The following ATE1 variants were observed in gnomAD, a reference collection of about 807,000 sequenced individuals.
ATE1 encodes arginyl-tRNA--protein transferase 1.
ATE1 carries 36 observed loss-of-function variants against 70.5 expected under a neutral mutation model. The observed-to-expected ratio is 0.51, with a 90% CI of 0.39 to 0.67. The LOEUF (loss-of-function observed/expected upper bound fraction) is 0.67. ATE1 is among the 30% of genes least tolerant of loss of function. The pLI, the probability that ATE1 is intolerant of heterozygous loss-of-function variation, is 0.00. For missense variants in ATE1, 593 were observed against 629.5 expected, an observed-to-expected ratio of 0.94 and a Z score of 0.62; for synonymous variants, 232 against 219.3, an observed-to-expected ratio of 1.06 and a Z score of -0.51.
At chr10:121,819,506 C>G (rs1010165933) in intron 10 of ATE1, among the ~76,000 whole-genome samples, 1 of 151,626 alleles carries the variant, frequency 6.6e-6, no homozygotes, top group Non-Finnish European at 1.5e-5. Context: ...AGATCGAGAC[C>G]ATCCTGGCTA....
intron 8 of ATE1, among the ~76,000 whole-genome samples, chr10:121,852,336 C>T (rs1949086232): frequency 6.6e-6 from 1 of 152,214 alleles, no homozygotes; most frequent in Non-Finnish European, 1.5e-5. Context: ...AAAGGTAATC[C>T]TTTTAGGCAC....
intron 10 of ATE1, among the ~76,000 whole-genome samples, chr10:121,821,855 TG>T (rs1293631895): frequency 2.0e-5 from 3 of 152,190 alleles, no homozygotes; most frequent in African/African-American, 4.8e-5. Flanking sequence ...CACTCCAGCC[TG>T]GGCAACAAAC....
At position 121,824,053 on chromosome 10, in the gene ATE1, C is replaced by T. The variant is rs184401007; in HGVS notation, c.1257+12665G>A. Among the ~76,000 whole-genome samples, 35 of 152,190 alleles carry T rather than the reference C, an allele frequency of 2.3e-4. No homozygotes were observed. The East Asian group carries it at 5.8e-3, about 25-fold the overall frequency. On this transcript the variant is annotated intron_variant, in intron 10 of 11. Transcript: ENST00000224652. The stretch of plus-strand genomic sequence containing the variant: ...TTGACTCTGGTGTGGCAAAATTCCC[C>T]ACATGTGACAGTGTTCTAAATAAGA...
intron 6 of ATE1, among the ~76,000 whole-genome samples, chr10:121,901,530 C>T (rs1024391707): frequency 1.3e-5 from 2 of 152,060 alleles, no homozygotes; most frequent in African/African-American, 2.4e-5. Context: ...GATCTCAGCT[C>T]GCTACAACCT....
intron 11 of ATE1, among the ~76,000 whole-genome samples, chr10:121,758,177 A>G (rs1944886088): frequency 6.6e-6 from 1 of 152,244 alleles, no homozygotes; most frequent in Non-Finnish European, 1.5e-5. Context: ...GAATCAGTTC[A>G]TCTTAGGATC....
At chr10:121,777,839 T>C (rs1186624288) in intron 11 of ATE1, among the ~76,000 whole-genome samples, 3 of 152,216 alleles carry the variant, frequency 2.0e-5, no homozygotes, top group Admixed American at 2.0e-4. Flanking sequence ...CTTTGTCAGA[T>C]AATTAAGAGG....
intron 11 of ATE1, among the ~76,000 whole-genome samples, chr10:121,761,290 G>C (rs2135787257): frequency 6.6e-6 from 1 of 152,250 alleles, no homozygotes; most frequent in East Asian, 1.9e-4. Flanking sequence ...CTCCTTTACA[G>C]CAACACCAAA....
chr10:121,799,883 A>G (rs1191872925), intron 10 of ATE1, among the ~76,000 whole-genome samples: 1 of 152,210 alleles, frequency 6.6e-6, no homozygotes, highest in Non-Finnish European at 1.5e-5. Context: ...GAAATAAAAG[A>G]AAAACCTATT....
At chr10:121,787,583 C>T (rs1201144826) in intron 11 of ATE1, among the ~76,000 whole-genome samples, 1 of 152,168 alleles carries the variant, frequency 6.6e-6, no homozygotes, top group Non-Finnish European at 1.5e-5. Context: ...CTTCAAAGCA[C>T]TTATTCTCAA....
Position 121,916,237 on chromosome 10 carries a change from AAAC to A in ATE1, c.234-2347_234-2345del, listed in dbSNP as rs371403512. 7.9e-5 allele frequency among the ~76,000 whole-genome samples: 12 copies of A among 152,236 alleles called. No homozygotes were observed. The South Asian group carries it at 2.3e-3, about 29-fold the overall frequency. On this transcript the variant is annotated intron_variant, in intron 3 of 11. Transcript: ENST00000224652. ...GCGAGACTCTGCCTCGAAAAACAAA[AAAC>A]AACAACAAAAAAAAGGAACACTTCC...
chr10:121,802,415 T>C (rs1420858257), intron 10 of ATE1, among the ~76,000 whole-genome samples: 3 of 151,938 alleles, frequency 2.0e-5, no homozygotes, highest in Admixed American at 2.0e-4. Flanking sequence ...TTCAAGTGAT[T>C]CTCCTGCCTC....
At chr10:121,761,109 G>A (rs1418471315) in intron 11 of ATE1, among the ~76,000 whole-genome samples, 1 of 152,082 alleles carries the variant, frequency 6.6e-6, no homozygotes, top group African/African-American at 2.4e-5. Context: ...TTCCTCTCTT[G>A]CCATGTGATC....
intron 11 of ATE1, 48 bp from the exon 12 acceptor site, chr10:121,743,906 T>G (rs1944234424): frequency 3.3e-6 from 5 of 1,499,966 alleles, no homozygotes; most frequent in African/African-American, 2.9e-5. Context: ...ATATCAAAAC[T>G]TTTTGTTTCC....
intron 11 of ATE1, among the ~76,000 whole-genome samples, chr10:121,752,559 C>T (rs1189884241): frequency 6.6e-6 from 1 of 152,132 alleles, no homozygotes; most frequent in Admixed American, 6.5e-5. Flanking sequence ...TTAGCTCTTA[C>T]ATTTAGGTCC....
intron 10 of ATE1, among the ~76,000 whole-genome samples, chr10:121,815,304 T>TTC (rs1947495772): frequency 6.7e-6 from 1 of 149,914 alleles, no homozygotes; most frequent in African/African-American, 2.4e-5. Flanking sequence ...CCCGGCTAAT[T>TTC]TTTTTGTATT....
rs768060678 is a variant in ATE1, at chr10:121,924,323, C to T, written c.113G>A (p.Trp38Ter). ...NESGSRSNGM[W>*]AHSMTVQDYQ... ...ATCCTGTACTGTCATGGAATGTGCC[C>T]ACATGCCTGAAAAAATAAGTAGTGT... The change falls in exon 2 of 12, where the codon TGG becomes TAG. Residue 38 changes from tryptophan (W) to a stop codon, truncating the protein, a stop_gained. Transcript: ENST00000224652. LOFTEE classifies it high-confidence loss of function. 5.0e-6 allele frequency: 8 copies of T among 1,613,874 alleles called. No homozygotes were observed. The highest frequency in any genetic ancestry group is 1.1e-5 in the South Asian group (1 of 91,076).
Position 121,924,302 on chromosome 10 carries a change from T to C in ATE1, c.134A>G (p.Gln45Arg). 2 of 1,614,152 alleles carry C rather than the reference T, an allele frequency of 1.2e-6. No individual in the cohort carries two copies. The highest frequency in any genetic ancestry group is 2.2e-5 in the South Asian group (2 of 91,088). Reference sequence around the variant, plus strand: ...TCGGTCTATGAGATCCTGATAATCCTGTACTGTCATGGAATGTGCCCACAT... The same window carrying C: ...TCGGTCTATGAGATCCTGATAATCCCGTACTGTCATGGAATGTGCCCACAT... ...NGMWAHSMTV[Q>R]DYQDLIDRGW... is the part of the protein sequence containing the mutation. The change falls in exon 2 of 12, where the codon CAG (glutamine) becomes CGG (arginine). Residue 45 changes from glutamine to arginine, a missense_variant. By Grantham distance (43) the Gln-to-Arg change is conservative. This residue lies in a region of ATE1 where 467 missense variants were observed against 469.6 expected (regional missense o/e 0.99). Coordinates refer to ENST00000224652, the MANE Select transcript of ATE1 (RefSeq NM_001001976.3).
rs960412090 is a variant in ATE1 at position 121,743,211 on chromosome 10, T to C, written c.*469A>G. The C allele has an allele frequency of 2.0e-5, 3 of 153,142 alleles. No homozygotes were observed. Among genetic ancestry groups the C allele is most frequent in the African/African-American group, 7.2e-5 (3 of 41,474 alleles). 9.5% of individuals were successfully genotyped at this position (153,142 alleles called of 1,614,324 possible). A position where few individuals can be genotyped will look rare whatever the true frequency, so the allele number is the denominator to read the frequency against. On this transcript the variant is annotated 3_prime_UTR_variant, in exon 12 of 12. Transcript: ENST00000224652. ...GAGTTGTAACAGCACAGTTTTGTTCTTGAGAAGACATATTTTCTAAGTGAT... is the reference window on the plus strand; with the variant it reads ...GAGTTGTAACAGCACAGTTTTGTTCCTGAGAAGACATATTTTCTAAGTGAT...
At chr10:121,753,612 G>A (rs1944676178) in intron 11 of ATE1, among the ~76,000 whole-genome samples, 1 of 152,110 alleles carries the variant, frequency 6.6e-6, no homozygotes, top group Non-Finnish European at 1.5e-5. Flanking sequence ...CACATATACT[G>A]CTGGTAGGAT....
Sources: gnomAD v4.1 joint callset for allele counts (sites outside exome capture counted in the v4.1 genomes callset) on GRCh38, gnomAD v4.1.1 for gene constraint, gnomAD v4.1.1 regional missense constraint, MANE v1.5 for transcripts, NCBI Gene and HGNC (gene_info 2026-07-23, HGNC 2026-07-21) for gene names.